The following RNF217 variants were observed in gnomAD, a reference collection of about 807,000 sequenced individuals.
RNF217 encodes E3 ubiquitin-protein ligase RNF217.
RNF217 carries 31 observed loss-of-function variants against 57.8 expected under a neutral mutation model. The observed-to-expected ratio is 0.54, with a 90% confidence interval of 0.40 to 0.72. RNF217 has a LOEUF of 0.72. Ranked by LOEUF, RNF217 falls within the 30% of genes least tolerant of loss-of-function variation. The pLI is 0.00. For missense variants in RNF217, 696 were observed against 708.3 expected (o/e 0.98, Z 0.20); for synonymous variants, 313 against 294.0 (o/e 1.06, Z -0.66).
intron 2 of RNF217, 137 bp from the exon 3 acceptor site, chr6:125,057,805 T>C: frequency 3.2e-6 from 2 of 621,658 alleles, no homozygotes; most frequent in Non-Finnish European, 5.3e-6. Context: ...CATATCTTCC[T>C]GTAGTTTGAG....
intron 1 of RNF217, among the ~76,000 whole-genome samples, chr6:125,035,105 A>G (rs1253491967): frequency 1.3e-5 from 2 of 152,144 alleles, no homozygotes; most frequent in African/African-American, 2.4e-5. Flanking sequence ...GGGCAGAGAC[A>G]ATGGGGTTTT....
intron 2 of RNF217, among the ~76,000 whole-genome samples, chr6:125,050,367 T>C (rs550969576): frequency 6.6e-6 from 1 of 152,048 alleles, no homozygotes; most frequent in African/African-American, 2.4e-5. Context: ...ATGGCACTTT[T>C]GATGCATCTT....
intron 3 of RNF217, among the ~76,000 whole-genome samples, chr6:125,062,669 C>T (rs1787781011): frequency 6.6e-6 from 1 of 152,044 alleles, no homozygotes; most frequent in Admixed American, 6.6e-5. Flanking sequence ...CTTCGTCTCC[C>T]GGGCTCAAGA....
chr6:124,972,852 A>T (rs905408113), intron 1 of RNF217, among the ~76,000 whole-genome samples: 4 of 152,184 alleles, frequency 2.6e-5, no homozygotes, highest in Non-Finnish European at 5.9e-5. Context: ...ATCAAACTAT[A>T]TAGGAATCTT....
chr6:124,962,535 G>C lies in RNF217; in HGVS notation c.-10G>C, dbSNP rs1397884770. 2.6e-6 allele frequency: 3 copies of C among 1,175,796 alleles called. No homozygotes were observed. Among genetic ancestry groups the C allele is most frequent in the Non-Finnish European group, 2.1e-6 (2 of 951,354 alleles). The allele number at this position is 1,175,796 out of a possible 1,614,324, so 72.8% of individuals were successfully genotyped here. A position where few individuals can be genotyped will look rare whatever the true frequency, so the allele number is the denominator to read the frequency against. On this transcript the variant is annotated 5_prime_UTR_variant, in exon 1 of 6. Transcript: ENST00000521654. This position sits in a 1 kb window ranked among gnomAD's most constrained non-coding sequence, Gnocchi z 4.6. ...TGGATGGGCAGCGGCGGCGCGGGCC[G>C]CGGGCGGCGATGGGCGAGGAGCAGA...
At chr6:125,082,164 A>T (rs1201290457) in intron 5 of RNF217, among the ~76,000 whole-genome samples, 1 of 152,042 alleles carries the variant, frequency 6.6e-6, no homozygotes, top group Non-Finnish European at 1.5e-5. Context: ...TTTTATTTTT[A>T]AAAAGTTCCC....
intron 1 of RNF217, among the ~76,000 whole-genome samples, chr6:124,993,178 C>T (rs563870242): frequency 1.3e-5 from 2 of 152,196 alleles, no homozygotes; most frequent in East Asian, 1.9e-4. Context: ...CTATCAGAAA[C>T]GCATGAGGCA....
chr6:125,044,591 A>G (rs1472540198), intron 1 of RNF217, among the ~76,000 whole-genome samples: 2 of 152,054 alleles, frequency 1.3e-5, no homozygotes, highest in Non-Finnish European at 2.9e-5. Flanking sequence ...CATTGTTGTA[A>G]CTGGTTTCAT....
At position 125,074,310 on chromosome 6, in the gene RNF217, T is replaced by C. The variant is rs1000806964; in HGVS notation, c.1282-2347T>C. 6.7e-5 allele frequency among the ~76,000 whole-genome samples: 8 copies of C among 119,538 alleles called. No individual in the cohort carries two copies. In the Admixed American group the frequency reaches 7.0e-4, roughly 10 times the overall value. The allele number at this position is 119,538 out of a possible 152,430, so 78.4% of individuals were successfully genotyped here. The stretch of plus-strand genomic sequence containing the variant: ...GACAGAAGATAGGTAGATAGATAGA[T>C]AGATAGATAGATAGATAGATAGATA... On this transcript the variant is annotated intron_variant, in intron 3 of 5. Transcript: ENST00000521654.
intron 1 of RNF217, among the ~76,000 whole-genome samples, chr6:125,022,316 T>C (rs1025626679): frequency 6.6e-6 from 1 of 152,226 alleles, no homozygotes. Context: ...AGCTCCATTA[T>C]ATACAGTACG....
chr6:124,996,368 A>G (rs909274559), intron 1 of RNF217, among the ~76,000 whole-genome samples: 2 of 152,022 alleles, frequency 1.3e-5, no homozygotes, highest in African/African-American at 4.8e-5. Flanking sequence ...TCTTATCTTT[A>G]GCCCATTTTT....
At position 125,090,967 on chromosome 6, in the gene RNF217, G is replaced by A. The variant is rs1414358327; in HGVS notation, c.*8030G>A. On this transcript the variant is annotated 3_prime_UTR_variant, in exon 6 of 6. Coordinates refer to ENST00000521654, the MANE Select transcript of RNF217 (RefSeq NM_001286398.3). ...GTAAATTTTTTAATTAGACAATGTT[G>A]ATATGCAGAAATCTCTCAAAAGAAA... 1 of 151,934 alleles carries A rather than the reference G, an allele frequency of 6.6e-6. No homozygotes were observed. Among genetic ancestry groups the A allele is most frequent in the Non-Finnish European group, 1.5e-5 (1 of 67,866 alleles). The allele number at this position is 151,934 out of a possible 1,614,324, so 9.4% of individuals were successfully genotyped here.
chr6:125,030,992 G>A (rs1786331855), intron 1 of RNF217, among the ~76,000 whole-genome samples: 1 of 152,240 alleles, frequency 6.6e-6, no homozygotes, highest in African/African-American at 2.4e-5. Flanking sequence ...TGTAGGTGGA[G>A]GTTTCCAAAC....
chr6:125,011,914 T>G (rs1785428764), intron 1 of RNF217, among the ~76,000 whole-genome samples: 1 of 152,138 alleles, frequency 6.6e-6, no homozygotes, highest in Admixed American at 6.5e-5. Flanking sequence ...CTCTTTCCTC[T>G]GTCTTCATAT....
intron 1 of RNF217, among the ~76,000 whole-genome samples, chr6:125,036,249 C>T (rs185367800): frequency 1.4e-4 from 21 of 152,202 alleles, no homozygotes; most frequent in African/African-American, 4.6e-4. Context: ...CTGCAAAGGA[C>T]GTGAACTCAT....
In RNF217 at chr6:125,025,090, A is replaced by C. The variant is rs77760169; in HGVS notation, c.883-20121A>C. Among the ~76,000 whole-genome samples the C allele has an allele frequency of 6.6e-5, 10 of 152,260 alleles. No individual in the cohort carries two copies. In the East Asian group the frequency reaches 1.7e-3, roughly 26 times the overall value. On this transcript the variant is annotated intron_variant, in intron 1 of 5. Coordinates refer to ENST00000521654, the MANE Select transcript of RNF217 (RefSeq NM_001286398.3). ...AGAAGTCAGGAAAATCAGGAATGTG[A>C]TGTGCTAGAGGTCAAGAAAGAAACA...
chr6:124,971,594 T>A (rs1783763371), intron 1 of RNF217: 1 of 212,922 alleles, frequency 4.7e-6, no homozygotes, highest in Admixed American at 5.7e-5. Context: ...TAGTTGGGAC[T>A]ACAGGTGCGT....
chr6:125,006,599 G>T (rs1785189252), intron 1 of RNF217, among the ~76,000 whole-genome samples: 1 of 152,094 alleles, frequency 6.6e-6, no homozygotes, highest in South Asian at 2.1e-4. Context: ...CAACCTAATA[G>T]TCTCCTATCA....
intron 1 of RNF217, among the ~76,000 whole-genome samples, chr6:124,999,574 G>A (rs1784892439): frequency 6.6e-6 from 1 of 151,942 alleles, no homozygotes; most frequent in Non-Finnish European, 1.5e-5. Context: ...AGAGCCTAAA[G>A]TATAACTACA....
Sources: allele counts gnomAD v4.1 joint callset (sites outside exome capture counted in the v4.1 genomes callset), GRCh38; gene constraint gnomAD v4.1.1; non-coding constraint Gnocchi (gnomAD v3.1); transcripts MANE v1.5; gene names NCBI Gene and HGNC (gene_info 2026-07-23, HGNC 2026-07-21).